Variants in MYO1E observed in about 807,000 individuals in gnomAD.
The protein encoded by MYO1E is myosin IE, also known as unconventional myosin-Ie.
In MYO1E, 68 loss-of-function variants were observed where a neutral mutation model predicts 151.1. The observed-to-expected ratio is 0.45, with a 90% CI of 0.37 to 0.55. The LOEUF (loss-of-function observed/expected upper bound fraction) is 0.55. MYO1E is among the 20% of genes least tolerant of loss of function. The pLI, the probability that MYO1E is intolerant of heterozygous loss-of-function variation, is 0.00. For synonymous variants in MYO1E, 601 were observed against 501.7 expected (o/e 1.20, Z -2.64); for missense variants, 1,363 against 1,389.3 (o/e 0.98, Z 0.30).
chr15:59,360,854 G>A (rs750461717), intron 1 of MYO1E, among the ~76,000 whole-genome samples: 5 of 152,120 alleles, frequency 3.3e-5, no homozygotes, highest in South Asian at 2.1e-4. Flanking sequence ...AAGTATTCCC[G>A]CAATGTAGGA....
At chr15:59,266,660 GTTC>G (rs1190665753) in intron 2 of MYO1E, 2 of 134,722 alleles carry the variant, frequency 1.5e-5, no homozygotes, top group Middle Eastern at 3.9e-3. Context: ...TTGTTTTGCT[GTTC>G]TTTTTTTTTT....
intron 26 of MYO1E, among the ~76,000 whole-genome samples, chr15:59,142,093 T>G (rs576127514): frequency 6.6e-6 from 1 of 151,254 alleles, no homozygotes; most frequent in Non-Finnish European, 1.5e-5. Flanking sequence ...GGAAACGGAG[T>G]GAGACTCCAT....
intron 8 of MYO1E, among the ~76,000 whole-genome samples, chr15:59,223,704 C>G (rs774398445): frequency 6.6e-6 from 1 of 152,156 alleles, no homozygotes; most frequent in African/African-American, 2.4e-5. Context: ...GCAAAAGGAT[C>G]TTAATGAAAA....
chr15:59,204,649 C>A (rs1023815022), intron 15 of MYO1E, among the ~76,000 whole-genome samples: 13 of 152,132 alleles, frequency 8.5e-5, no homozygotes, highest in African/African-American at 3.1e-4. Context: ...AAGGGGGATA[C>A]CCTCCCTCTT....
At chr15:59,269,878 A>G in intron 2 of MYO1E, among the ~76,000 whole-genome samples, 1 of 152,138 alleles carries the variant, frequency 6.6e-6, no homozygotes, top group Non-Finnish European at 1.5e-5. Flanking sequence ...AGCCCTGCAC[A>G]GGTATCTGGA....
chr15:59,212,479 C>G (rs1305792351), intron 12 of MYO1E, among the ~76,000 whole-genome samples: 1 of 152,104 alleles, frequency 6.6e-6, no homozygotes, highest in Admixed American at 6.5e-5. Flanking sequence ...TAGTATCCCC[C>G]CAAATTTCAC....
intron 1 of MYO1E, among the ~76,000 whole-genome samples, chr15:59,310,779 C>A (rs2080546375): frequency 6.6e-6 from 1 of 150,814 alleles, no homozygotes; most frequent in African/African-American, 2.4e-5. Context: ...AGCCTTCGTG[C>A]CCAAATTCCT....
chr15:59,163,267 T>A lies in MYO1E; in HGVS notation c.2517A>T (p.Gln839His). The A allele has an allele frequency of 6.2e-7, 1 of 1,613,874 alleles. No homozygotes were observed. ...CAGATTCAAGCAAACTGTCATACTC[T>A]TGCTCATGGAGAATAAAAATGTCAT... ...MQDDIFILHE[Q>H]EYDSLLESVF... The change falls in exon 23 of 28, where the codon CAA (glutamine) becomes CAT (histidine). Residue 839 changes from glutamine (Q) to histidine (H), a missense_variant. Gln to His is a conservative substitution (Grantham distance 24). Coordinates refer to ENST00000288235, the MANE Select transcript of MYO1E (RefSeq NM_004998.4).
intron 1 of MYO1E, among the ~76,000 whole-genome samples, chr15:59,295,813 A>G (rs2080445155): frequency 6.6e-6 from 1 of 152,086 alleles, no homozygotes; most frequent in African/African-American, 2.4e-5. Flanking sequence ...CTGATGTGCA[A>G]ATTTCCGGTC....
At chr15:59,357,700 T>G (rs534037709) in intron 1 of MYO1E, among the ~76,000 whole-genome samples, 1 of 152,262 alleles carries the variant, frequency 6.6e-6, no homozygotes, top group Admixed American at 6.5e-5. Context: ...TCCACCTACC[T>G]TGGCCTCCCA....
intron 1 of MYO1E, among the ~76,000 whole-genome samples, chr15:59,299,568 G>C (rs1396646557): frequency 1.3e-5 from 2 of 152,212 alleles, no homozygotes; most frequent in African/African-American, 2.4e-5. Flanking sequence ...CCACTGTGAA[G>C]AAATGGGCTT....
chr15:59,248,127 C>CAAAAAAAAA (rs138467126), intron 4 of MYO1E, among the ~76,000 whole-genome samples: 3 of 35,906 alleles, frequency 8.4e-5, no homozygotes, highest in South Asian at 1.9e-3. Context: ...GACTCCGTCT[C>CAAAAAAAAA]AAAAAAAAAA....
intron 22 of MYO1E, 87 bp from the exon 23 acceptor site, chr15:59,163,390 T>C: frequency 7.6e-7 from 1 of 1,316,798 alleles, no homozygotes; most frequent in Non-Finnish European, 1.1e-6. Context: ...TTAAAAATCC[T>C]GCAAGATAGT....
intron 26 of MYO1E, among the ~76,000 whole-genome samples, chr15:59,145,321 C>T (rs1327844437): frequency 1.3e-5 from 2 of 152,174 alleles, no homozygotes; most frequent in South Asian, 2.1e-4. Context: ...GTCCAGCTTG[C>T]GAGAGCTGAT....
At position 59,251,221 on chromosome 15, in the gene MYO1E, T is replaced by G. The variant is rs7179215; in HGVS notation, c.332+5063A>C. ...ACCCAGGTGTTCCTCCTCATAAAAT[T>G]TAACTTGCACCTGCATCTGATCAAG... is the stretch of plus-strand genomic sequence containing the variant. On this transcript the variant is annotated intron_variant, in intron 4 of 27. Coordinates refer to ENST00000288235, the MANE Select transcript of MYO1E (RefSeq NM_004998.4). Among the ~76,000 whole-genome samples the G allele has an allele frequency of 8.2e-3, 1,253 of 152,316 alleles. 19 individuals are homozygous for G. The highest frequency in any genetic ancestry group is 0.029 in the African/African-American group (1,185 of 41,562).
intron 1 of MYO1E, among the ~76,000 whole-genome samples, chr15:59,343,835 G>C (rs1480815021): frequency 2.6e-5 from 4 of 152,114 alleles, no homozygotes; most frequent in African/African-American, 9.7e-5. Flanking sequence ...GCATTCAGCA[G>C]CTCGAGAATT....
intron 1 of MYO1E, among the ~76,000 whole-genome samples, chr15:59,333,102 G>A (rs925308184): frequency 6.6e-6 from 1 of 152,148 alleles, no homozygotes; most frequent in African/African-American, 2.4e-5. Context: ...CAGTTGCTTA[G>A]TAAACACAAC....
intron 1 of MYO1E, among the ~76,000 whole-genome samples, chr15:59,279,013 T>G (rs1289871537): frequency 6.6e-6 from 1 of 152,124 alleles, no homozygotes; most frequent in Non-Finnish European, 1.5e-5. Flanking sequence ...GAATACTCAA[T>G]GAATATGGAG....
intron 26 of MYO1E, among the ~76,000 whole-genome samples, chr15:59,142,737 C>G (rs764838940): frequency 2.0e-5 from 3 of 152,094 alleles, no homozygotes; most frequent in Non-Finnish European, 4.4e-5. Context: ...TGGTGCCTTC[C>G]TACCTTTCTT....
Sources: gnomAD v4.1 joint callset for allele counts (sites outside exome capture counted in the v4.1 genomes callset) on GRCh38, gnomAD v4.1.1 for gene constraint, MANE v1.5 for transcripts, NCBI Gene and HGNC (gene_info 2026-07-23, HGNC 2026-07-21) for gene names.